ATP2B2: variants seen among roughly 807,000 people sequenced by gnomAD.
ATP2B2 encodes the protein ATPase plasma membrane Ca2+ transporting 2.
In ATP2B2, 15 loss-of-function variants were observed where a neutral mutation model predicts 120.0. That is an observed-to-expected ratio of 0.12 (90% CI 0.08 to 0.19). The LOEUF (loss-of-function observed/expected upper bound fraction) is 0.19. Among genes scored for constraint, ATP2B2 ranks in the 10% least tolerant of loss-of-function variants. The pLI is 1.00. For missense variants in ATP2B2, 1,045 were observed against 1,719.8 expected, an observed-to-expected ratio of 0.61 and a Z score of 6.94; for synonymous variants, 694 against 700.3, an observed-to-expected ratio of 0.99 and a Z score of 0.14.
chr3:10,616,002 A>G (rs191586863), intron 2 of ATP2B2, among the ~76,000 whole-genome samples: 2 of 152,216 alleles, frequency 1.3e-5, no homozygotes, highest in Admixed American at 1.3e-4. Flanking sequence ...TGTCTGCATC[A>G]CACCTCTCCA....
In ATP2B2 at chr3:10,340,725, G is replaced by A. The variant is rs760727895; in HGVS notation, c.2918-21C>T. The A allele has an allele frequency of 6.2e-7, 1 of 1,613,572 alleles. No individual in the cohort carries two copies. The highest frequency in any genetic ancestry group is 1.3e-5 in the African/African-American group (1 of 75,038). On this transcript the variant is annotated intron_variant, in intron 19 of 22. Coordinates refer to ENST00000360273, the MANE Select transcript of ATP2B2 (RefSeq NM_001001331.4). The surrounding 1 kb of genome is among the most constrained non-coding windows in gnomAD (Gnocchi z 5.0). ...CTCGCCTGCCAAGTGAGAGAGTGGG[G>A]CTGGGCTGAAGGCAGTGGTGGGGGA...
chr3:10,502,775 GC>G (rs1414426751), intron 1 of ATP2B2, among the ~76,000 whole-genome samples: 2 of 152,318 alleles, frequency 1.3e-5, no homozygotes, highest in South Asian at 2.1e-4. Context: ...TCGGAATCTT[GC>G]CACAAAATTC....
chr3:10,551,554 A>T lies in ATP2B2; in HGVS notation c.-414-17421T>A, dbSNP rs1008743024. On this transcript the variant is annotated intron_variant, in intron 2 of 21. Transcript: ENST00000646379. ...AATGCAAAGTTTTGTATAAAGAAAT[A>T]TTTTGCTGTAAACATATTTCTATTC... Among the ~76,000 whole-genome samples the T allele has an allele frequency of 2.0e-5, 3 of 152,186 alleles. No individual in the cohort carries two copies. In the South Asian group the frequency reaches 6.2e-4, roughly 32 times the overall value.
rs367570458 is a variant in ATP2B2 at position 10,462,703 on chromosome 3, ACT to A, written c.-319-12843_-319-12842del. On this transcript the variant is annotated intron_variant, in intron 1 of 22. Transcript: ENST00000360273. ...CTGGGAGTAGAACTGGGCTTTTCTG[ACT>A]CTGAAGCTGCCACATTATGCTGCCT... 2.6e-3 allele frequency among the ~76,000 whole-genome samples: 399 copies of A among 152,168 alleles called. 4 individuals are homozygous for A. Among genetic ancestry groups the A allele is most frequent in the African/African-American group, 9.4e-3 (389 of 41,516 alleles).
At chr3:10,396,311 C>T (rs1363399919) in intron 5 of ATP2B2, among the ~76,000 whole-genome samples, 2 of 152,270 alleles carry the variant, frequency 1.3e-5, no homozygotes, top group Non-Finnish European at 2.9e-5. Flanking sequence ...TCACCAGCTT[C>T]CCCATTGCAC....
chr3:10,376,610 C>T (rs1028730678), intron 10 of ATP2B2, among the ~76,000 whole-genome samples: 4 of 152,148 alleles, frequency 2.6e-5, no homozygotes, highest in South Asian at 2.1e-4. Flanking sequence ...GCAGGTGCTG[C>T]GGAGACTGCT....
intron 3 of ATP2B2, among the ~76,000 whole-genome samples, chr3:10,517,420 A>G (rs1232986342): frequency 6.6e-6 from 1 of 152,208 alleles, no homozygotes; most frequent in Non-Finnish European, 1.5e-5. Flanking sequence ...CATATTCAAA[A>G]TGAGAGGGGT....
chr3:10,624,972 C>T (rs969504427), intron 1 of ATP2B2, among the ~76,000 whole-genome samples: 15 of 152,226 alleles, frequency 9.9e-5, no homozygotes, highest in Admixed American at 7.2e-4. Flanking sequence ...GATGGGAAAG[C>T]GGGCCTTTCT....
intron 1 of ATP2B2, among the ~76,000 whole-genome samples, chr3:10,679,642 C>T (rs547049591): frequency 9.2e-5 from 14 of 152,322 alleles, no homozygotes; most frequent in African/African-American, 2.6e-4. Context: ...TTCACTGTGG[C>T]TTTATCTCCA....
intron 2 of ATP2B2, among the ~76,000 whole-genome samples, chr3:10,411,309 G>A (rs1383054508): frequency 2.0e-5 from 3 of 152,214 alleles, no homozygotes; most frequent in Admixed American, 2.0e-4. Context: ...CTGGTCTTCA[G>A]AGGGAGGTGG....
intron 1 of ATP2B2, among the ~76,000 whole-genome samples, chr3:10,477,536 C>G (rs1296045464): frequency 6.6e-6 from 1 of 152,222 alleles, no homozygotes; most frequent in Admixed American, 6.5e-5. Flanking sequence ...CTGTCCCCAT[C>G]CAACACCAAC....
rs1239016073 is a variant in ATP2B2 at position 10,375,223 on chromosome 3, G to T, written c.1416+207C>A. Among the ~76,000 whole-genome samples, 5 of 152,188 alleles carry T rather than the reference G, an allele frequency of 3.3e-5. No homozygotes were observed. The highest frequency in any genetic ancestry group is 5.9e-5 in the Non-Finnish European group (4 of 68,032). ...AATAACAGCTGCCTCTTCAGCCAGGGTATGGCTCTCTGGTTTGCTACAGGC... is the reference window on the plus strand; with the variant it reads ...AATAACAGCTGCCTCTTCAGCCAGGTTATGGCTCTCTGGTTTGCTACAGGC... On this transcript the variant is annotated intron_variant, in intron 11 of 22. Transcript: ENST00000360273. The surrounding 1 kb of genome is among the most constrained non-coding windows in gnomAD (Gnocchi z 4.2).
chr3:10,633,773 G>A (rs1311798734), intron 1 of ATP2B2, among the ~76,000 whole-genome samples: 1 of 152,206 alleles, frequency 6.6e-6, no homozygotes, highest in Non-Finnish European at 1.5e-5. Flanking sequence ...AAGATCCTCA[G>A]TCCAGTTTCC....
At chr3:10,649,750 ATGGGG>A (rs1181276820) in intron 1 of ATP2B2, among the ~76,000 whole-genome samples, 1 of 152,170 alleles carries the variant, frequency 6.6e-6, no homozygotes, top group Non-Finnish European at 1.5e-5. Context: ...TAATTGAATC[ATGGGG>A]GCGGGTGTTT....
intron 1 of ATP2B2, among the ~76,000 whole-genome samples, 166 bp from the exon 2 acceptor site, chr3:10,450,028 C>T (rs2063978500): frequency 6.6e-6 from 1 of 152,126 alleles, no homozygotes; most frequent in Non-Finnish European, 1.5e-5. Context: ...CTACTAGCGC[C>T]AACCCAGGCA....
chr3:10,701,902 C>A (rs2125720504), intron 1 of ATP2B2, among the ~76,000 whole-genome samples: 1 of 152,122 alleles, frequency 6.6e-6, no homozygotes, highest in South Asian at 2.1e-4. Flanking sequence ...AAGAAAAGAG[C>A]CAGTCAGTCT....
In ATP2B2 at chr3:10,345,440, G is replaced by A; in HGVS notation, c.2647C>T (p.Leu883Phe). The change falls in exon 18 of 23, where the codon CTC becomes TTC. Residue 883 changes from leucine (L) to phenylalanine (F), a missense_variant. This residue lies in a region of ATP2B2 where 98 missense variants were observed against 266.7 expected (regional missense o/e 0.37). Coordinates refer to ENST00000360273, the MANE Select transcript of ATP2B2 (RefSeq NM_001001331.4). ...ATCACGGCCACCACGTTGACGGTGAGCTGGAACTGCAAGAATTTGGAGATG... is the reference window on the plus strand; with the variant it reads ...ATCACGGCCACCACGTTGACGGTGAACTGGAACTGCAAGAATTTGGAGATG... ...DSISKFLQFQ[L>F]TVNVVAVIVA... 1 of 1,614,188 alleles carries A rather than the reference G, an allele frequency of 6.2e-7. No homozygotes were observed. The highest frequency in any genetic ancestry group is 8.5e-7 in the Non-Finnish European group (1 of 1,180,016).
At position 10,345,470 on chromosome 3, in the gene ATP2B2, C is replaced by T; in HGVS notation, c.2617G>A (p.Asp873Asn). 6.2e-7 allele frequency: 1 copy of T among 1,614,210 alleles called. No individual in the cohort carries two copies. The highest frequency in any genetic ancestry group is 8.5e-7 in the Non-Finnish European group (1 of 1,180,032). The part of the protein sequence containing the change: ...KAVMWGRNVY[D>N]SISKFLQFQL... Reference sequence around the variant, plus strand: ...AACTGCAAGAATTTGGAGATGCTGTCATAGACGTTGCGGCCCCACATCACT... The same window carrying T: ...AACTGCAAGAATTTGGAGATGCTGTTATAGACGTTGCGGCCCCACATCACT... Residue 873 changes from aspartate to asparagine, a missense_variant, in exon 18 of 23, where the codon GAC becomes AAC. Around this residue, in one of 11 missense-constraint regions of ATP2B2, gnomAD observed 98 missense variants for 266.7 expected, o/e 0.37. Coordinates refer to ENST00000360273, the MANE Select transcript of ATP2B2 (RefSeq NM_001001331.4).
Position 10,558,399 on chromosome 3 carries a change from C to G in ATP2B2, c.-414-24266G>C, listed in dbSNP as rs1014790609. On this transcript the variant is annotated intron_variant, in intron 2 of 21. Transcript: ENST00000646379. The stretch of plus-strand genomic sequence containing the variant: ...TGCAGGGAATTAAGTGCTCCCTTCT[C>G]TTTTTCTGCTCGGTTGGCTAAGCTA... 2.0e-5 allele frequency among the ~76,000 whole-genome samples: 3 copies of G among 152,140 alleles called. No homozygotes were observed. In the East Asian group the frequency reaches 5.8e-4, roughly 29 times the overall value.
Sources: allele counts gnomAD v4.1 joint callset (sites outside exome capture counted in the v4.1 genomes callset), GRCh38; gene constraint gnomAD v4.1.1; regional missense constraint gnomAD v4.1.1; non-coding constraint Gnocchi (gnomAD v3.1); transcripts MANE v1.5; gene names NCBI Gene and HGNC (gene_info 2026-07-23, HGNC 2026-07-21).